The following SIAH3 variants were observed in gnomAD, a reference collection of about 807,000 sequenced individuals.
SIAH3 encodes seven in absentia homolog 3.
Under a neutral mutation model 12.6 loss-of-function variants are expected in SIAH3, and 9 were observed. The observed-to-expected ratio is 0.72, with a 90% CI of 0.43 to 1.25. The LOEUF is 1.25. SIAH3 is among the 50% of genes most tolerant of loss of function. The probability of loss-of-function intolerance (pLI) is 0.00; values close to 1 mark genes in which losing one functional copy is unlikely to be tolerated. For synonymous variants in SIAH3, 154 were observed against 151.1 expected, an observed-to-expected ratio of 1.02 and a Z score of -0.14; for missense variants, 390 against 365.4, an observed-to-expected ratio of 1.07 and a Z score of -0.55.
At chr13:45,816,010 G>A (rs561706123) in intron 1 of SIAH3, among the ~76,000 whole-genome samples, 3 of 152,322 alleles carry the variant, frequency 2.0e-5, no homozygotes, top group Middle Eastern at 3.4e-3. Flanking sequence ...CACGAGTTAC[G>A]GAGCATCATC....
At position 45,784,398 on chromosome 13, in the gene SIAH3, G is replaced by GTTTTTTTTTTTTTTT. The variant is rs35686357; in HGVS notation, c.136-356_136-342dup. On this transcript the variant is annotated intron_variant, in intron 1 of 1. Coordinates refer to ENST00000400405, the MANE Select transcript of SIAH3 (RefSeq NM_198849.3). ...TCAATCACAAAGAACAAAGACAGCT[G>GTTTTTTTTTTTTTTT]TTTTTTTTTTTTTTTTTTTTTTTGC... 9.0e-4 allele frequency among the ~76,000 whole-genome samples: 59 copies of GTTTTTTTTTTTTTTT among 65,800 alleles called. 1 individual carries two copies. Among genetic ancestry groups the GTTTTTTTTTTTTTTT allele is most frequent in the South Asian group, 1.4e-3 (2 of 1,430 alleles). 43.2% of individuals were successfully genotyped at this position (65,800 alleles called of 152,430 possible). A position where few individuals can be genotyped will look rare whatever the true frequency, so the allele number is the denominator to read the frequency against.
At chr13:45,802,042 C>T (rs1271366047) in intron 1 of SIAH3, among the ~76,000 whole-genome samples, 3 of 152,172 alleles carry the variant, frequency 2.0e-5, no homozygotes, top group South Asian at 2.1e-4. Flanking sequence ...TGGTGGCTCA[C>T]GCCTGTAAAA....
chr13:45,822,520 AATATAT>A (rs36106322), intron 1 of SIAH3, among the ~76,000 whole-genome samples: 1,591 of 85,392 alleles, frequency 0.019, 75 homozygotes, highest in African/African-American at 0.057. Context: ...TTCATTATCA[AATATAT>A]ATATATATAT....
intron 1 of SIAH3, among the ~76,000 whole-genome samples, chr13:45,790,737 G>A (rs887736325): frequency 6.6e-6 from 1 of 152,114 alleles, no homozygotes; most frequent in Admixed American, 6.5e-5. Context: ...TACCATTCAG[G>A]TGTGCCAGCC....
chr13:45,796,797 C>T (rs534558442), intron 1 of SIAH3, among the ~76,000 whole-genome samples: 8 of 152,200 alleles, frequency 5.3e-5, no homozygotes, highest in Admixed American at 1.3e-4. Context: ...CTCCTCACAC[C>T]GAGCTGAGGG....
chr13:45,849,235 G>A (rs1362862286), intron 1 of SIAH3, among the ~76,000 whole-genome samples: 1 of 152,070 alleles, frequency 6.6e-6, no homozygotes, highest in East Asian at 1.9e-4. Flanking sequence ...GTTTATCTGG[G>A]GTGATGTTCC....
chr13:45,821,218 G>C lies in SIAH3; in HGVS notation c.135+30277C>G, dbSNP rs118108245. ...GAAACAGACATAGACACATAGAAAA[G>C]ATGATGTGAGGACACAGGGAGAATG... is the stretch of plus-strand genomic sequence containing the variant. On this transcript the variant is annotated intron_variant, in intron 1 of 1. Coordinates refer to ENST00000400405, the MANE Select transcript of SIAH3 (RefSeq NM_198849.3). Among the ~76,000 whole-genome samples, 700 of 152,348 alleles carry C rather than the reference G, an allele frequency of 4.6e-3. 1 individual carries two copies. Among genetic ancestry groups the C allele is most frequent in the Non-Finnish European group, 7.5e-3 (508 of 68,040 alleles).
intron 1 of SIAH3, among the ~76,000 whole-genome samples, chr13:45,807,742 A>AT (rs1386678055): frequency 1.3e-5 from 2 of 152,224 alleles, no homozygotes; most frequent in Non-Finnish European, 1.5e-5. Context: ...ATATGGATGG[A>AT]TGACAACAGC....
chr13:45,800,506 G>T (rs981463274), intron 1 of SIAH3, among the ~76,000 whole-genome samples: 2 of 152,192 alleles, frequency 1.3e-5, no homozygotes. Context: ...CAGAGTCACT[G>T]TGTCGATTTC....
intron 1 of SIAH3, among the ~76,000 whole-genome samples, chr13:45,846,172 G>A (rs1252225429): frequency 1.5e-5 from 2 of 135,416 alleles, no homozygotes; most frequent in African/African-American, 2.9e-5. Flanking sequence ...TCACTGCAAC[G>A]TCTGCCTCCC....
intron 1 of SIAH3, 151 bp downstream of exon 1, chr13:45,851,344 C>G: frequency 1.0e-6 from 1 of 996,508 alleles, no homozygotes; most frequent in Non-Finnish European, 1.5e-6. Context: ...CGAGAGTGAG[C>G]CGAGGCAAAC....
At chr13:45,798,431 C>T (rs1003441729) in intron 1 of SIAH3, among the ~76,000 whole-genome samples, 1 of 152,184 alleles carries the variant, frequency 6.6e-6, no homozygotes, top group African/African-American at 2.4e-5. Flanking sequence ...TCCCTATCCT[C>T]AGAGAGCTTA....
At chr13:45,792,488 G>A (rs1016823487) in intron 1 of SIAH3, among the ~76,000 whole-genome samples, 1 of 151,840 alleles carries the variant, frequency 6.6e-6, no homozygotes, top group Non-Finnish European at 1.5e-5. Context: ...CTCCCAAGTA[G>A]CTGGGATTAC....
intron 1 of SIAH3, among the ~76,000 whole-genome samples, chr13:45,847,973 G>A (rs930194017): frequency 6.6e-6 from 1 of 152,230 alleles, no homozygotes; most frequent in South Asian, 2.1e-4. Context: ...TGGGGCAAAA[G>A]AAGGCAGGGC....
In SIAH3 at chr13:45,781,842, CTAAG is replaced by C. The variant is rs1253460924; in HGVS notation, c.*1537_*1540del. On this transcript the variant is annotated 3_prime_UTR_variant, in exon 2 of 2. Transcript: ENST00000400405. ...GCCAGCCAGGGCAACCTGCCTGAGA[CTAAG>C]TAGTCACTTGGATGCCTGCCAGGAC... The C allele has an allele frequency of 1.3e-5, 2 of 152,174 alleles. No homozygotes were observed. The highest frequency in any genetic ancestry group is 1.3e-4 in the Admixed American group (2 of 15,286). The allele number at this position is 152,174 out of a possible 1,614,324, so 9.4% of individuals were successfully genotyped here.
At chr13:45,850,439 CG>C (rs1317015979) in intron 1 of SIAH3, among the ~76,000 whole-genome samples, 3 of 152,054 alleles carry the variant, frequency 2.0e-5, no homozygotes, top group Non-Finnish European at 2.9e-5. Flanking sequence ...GCTACAGACA[CG>C]GCCCCTCCCC....
At chr13:45,816,574 C>A (rs1376838069) in intron 1 of SIAH3, among the ~76,000 whole-genome samples, 2 of 152,220 alleles carry the variant, frequency 1.3e-5, no homozygotes, top group Admixed American at 6.5e-5. Context: ...CCAACTTCAG[C>A]CCCTCGGGCG....
intron 1 of SIAH3, among the ~76,000 whole-genome samples, chr13:45,849,882 G>A (rs989572280): frequency 6.6e-6 from 1 of 152,008 alleles, no homozygotes; most frequent in African/African-American, 2.4e-5. Context: ...CTTGCCCCAG[G>A]GAACTAACTA....
chr13:45,846,088 T>C (rs1950759148), intron 1 of SIAH3, among the ~76,000 whole-genome samples: 2 of 137,660 alleles, frequency 1.5e-5, no homozygotes, highest in South Asian at 5.0e-4. Context: ...TAACTTCTTT[T>C]TTTTTTTTTT....
Sources: allele counts gnomAD v4.1 joint callset (sites outside exome capture counted in the v4.1 genomes callset), GRCh38; gene constraint gnomAD v4.1.1; transcripts MANE v1.5; gene names NCBI Gene and HGNC (gene_info 2026-07-23, HGNC 2026-07-21).